ZNF385D: variants seen among roughly 807,000 people sequenced by gnomAD.
ZNF385D encodes zinc finger protein 659.
Under a neutral mutation model 35.8 loss-of-function variants are expected in ZNF385D, and 15 were observed. That is an observed-to-expected ratio of 0.42 (90% CI 0.28 to 0.64). ZNF385D has a LOEUF of 0.64. ZNF385D is among the 30% of genes least tolerant of loss of function. ZNF385D has a pLI of 0.23. For synonymous variants in ZNF385D, 212 were observed against 186.8 expected, an observed-to-expected ratio of 1.13 and a Z score of -1.10; for missense variants, 474 against 494.6, an observed-to-expected ratio of 0.96 and a Z score of 0.39.
rs1488148084 is a variant in ZNF385D at position 21,417,304 on chromosome 3, G to T, written c.*3910C>A. The T allele has an allele frequency of 6.6e-6, 1 of 151,998 alleles. No individual in the cohort carries two copies. Among genetic ancestry groups the T allele is most frequent in the East Asian group, 1.9e-4 (1 of 5,182 alleles). The allele number at this position is 151,998 out of a possible 1,614,324, so 9.4% of individuals were successfully genotyped here. ...TACTGATGAAGAAATTAAGGGCAAGGCATTAGTTGACTATTTAAGTTACCC... is the reference window on the plus strand; with the variant it reads ...TACTGATGAAGAAATTAAGGGCAAGTCATTAGTTGACTATTTAAGTTACCC... On this transcript the variant is annotated 3_prime_UTR_variant, in exon 8 of 8. Transcript: ENST00000281523.
At chr3:22,233,442 T>C (rs900103062) in intron 2 of ZNF385D, among the ~76,000 whole-genome samples, 1 of 152,200 alleles carries the variant, frequency 6.6e-6, no homozygotes, top group Admixed American at 6.5e-5. Context: ...AAATTGAGAA[T>C]GGTCACAGAT....
chr3:21,425,675 C>A lies in ZNF385D; in HGVS notation c.674-5G>T. ...ACATGGTTTTGTGCTTAGTACCTGT[C>A]AGGAATATTGAAATGAAGGAAGGAA... On this transcript the variant is annotated splice_region_variant and splice_polypyrimidine_tract_variant and intron_variant, in intron 5 of 7. Coordinates refer to ENST00000281523, the MANE Select transcript of ZNF385D (RefSeq NM_024697.3). The A allele has an allele frequency of 6.7e-6, 10 of 1,493,986 alleles. No individual in the cohort carries two copies. The highest frequency in any genetic ancestry group is 7.2e-6 in the Non-Finnish European group (8 of 1,111,290). The allele number at this position is 1,493,986 out of a possible 1,614,324, so 92.5% of individuals were successfully genotyped here.
At chr3:21,624,608 C>T (rs953428388) in intron 2 of ZNF385D, among the ~76,000 whole-genome samples, 2 of 151,906 alleles carry the variant, frequency 1.3e-5, no homozygotes, top group African/African-American at 4.8e-5. Context: ...GCTGGCTTCC[C>T]AACTTTCCAG....
At chr3:21,860,667 T>C (rs912328546) in intron 3 of ZNF385D, among the ~76,000 whole-genome samples, 2 of 152,140 alleles carry the variant, frequency 1.3e-5, no homozygotes, top group Non-Finnish European at 2.9e-5. Flanking sequence ...ATCCTTTCAA[T>C]AGTTTTCAAA....
intron 2 of ZNF385D, among the ~76,000 whole-genome samples, chr3:22,359,170 G>A (rs1696298789): frequency 6.6e-6 from 1 of 151,420 alleles, no homozygotes; most frequent in African/African-American, 2.4e-5. Context: ...AAAATCCAAT[G>A]TTGAATAACA....
intron 4 of ZNF385D, among the ~76,000 whole-genome samples, chr3:21,452,049 T>A (rs916448863): frequency 6.6e-5 from 10 of 152,068 alleles, no homozygotes; most frequent in African/African-American, 2.4e-4. Context: ...AAACTATATA[T>A]TCAATTTTGG....
In ZNF385D at chr3:22,004,857, A is replaced by G. The variant is rs182659513; in HGVS notation, c.325+163960T>C. On this transcript the variant is annotated intron_variant, in intron 3 of 5. Transcript: ENST00000494108. ...GACTGAACAAATGTACATCTCACAT[A>G]TATTGATTGATGTCTCATGTCTCCC... Among the ~76,000 whole-genome samples the G allele has an allele frequency of 1.5e-3, 234 of 152,220 alleles. 2 individuals are homozygous for G. The highest frequency in any genetic ancestry group is 5.9e-4 in the Non-Finnish European group (40 of 68,022).
At chr3:22,181,433 A>C (rs1366488331) in intron 2 of ZNF385D, among the ~76,000 whole-genome samples, 1 of 152,098 alleles carries the variant, frequency 6.6e-6, no homozygotes, top group African/African-American at 2.4e-5. Context: ...GCGGTGTCTC[A>C]AGCCTGTAAT....
At position 21,646,423 on chromosome 3, in the gene ZNF385D, G is replaced by T. The variant is rs2065755938; in HGVS notation, c.165+18463C>A. Among the ~76,000 whole-genome samples the T allele has an allele frequency of 6.6e-6, 1 of 152,168 alleles. No individual in the cohort carries two copies. The highest frequency in any genetic ancestry group is 1.5e-5 in the Non-Finnish European group (1 of 68,036). On this transcript the variant is annotated intron_variant, in intron 2 of 7. Coordinates refer to ENST00000281523, the MANE Select transcript of ZNF385D (RefSeq NM_024697.3). This position sits in a 1 kb window ranked among gnomAD's most constrained non-coding sequence, Gnocchi z 4.3. Reference sequence around the variant, plus strand: ...TGAAGTAAGTGGACTGAGAGCCACAGCTCCCAAGGGCAGTGCTTGGATAGG... The same window carrying T: ...TGAAGTAAGTGGACTGAGAGCCACATCTCCCAAGGGCAGTGCTTGGATAGG...
chr3:21,755,989 CA>C (rs1362660062), upstream of ZNF385D, among the ~76,000 whole-genome samples: 1 of 152,136 alleles, frequency 6.6e-6, no homozygotes, highest in Non-Finnish European at 1.5e-5. Context: ...AAGATGGAGC[CA>C]AATTCAGTAG....
chr3:21,868,162 G>A (rs572690914), intron 3 of ZNF385D, among the ~76,000 whole-genome samples: 49 of 152,210 alleles, frequency 3.2e-4, no homozygotes, highest in Non-Finnish European at 6.0e-4. Flanking sequence ...TAGAGTCAGA[G>A]AGTATTTTAA....
At chr3:22,221,108 T>C (rs1698228538) in intron 2 of ZNF385D, among the ~76,000 whole-genome samples, 1 of 152,146 alleles carries the variant, frequency 6.6e-6, no homozygotes, top group Non-Finnish European at 1.5e-5. Context: ...TTGGCAGTGA[T>C]GTATGTGTGC....
At chr3:22,138,235 T>C (rs932115866) in intron 3 of ZNF385D, among the ~76,000 whole-genome samples, 1 of 152,124 alleles carries the variant, frequency 6.6e-6, no homozygotes, top group African/African-American at 2.4e-5. Context: ...AAAATGGCCA[T>C]ACTGCCCAAG....
intron 3 of ZNF385D, among the ~76,000 whole-genome samples, chr3:22,010,834 AG>A (rs1316001855): frequency 6.6e-6 from 1 of 152,182 alleles, no homozygotes; most frequent in African/African-American, 2.4e-5. Flanking sequence ...TATTTTGAAC[AG>A]GGAAATTAAT....
chr3:21,810,970 ACG>A (rs1491128565), intron 3 of ZNF385D, among the ~76,000 whole-genome samples: 5 of 97,890 alleles, frequency 5.1e-5, no homozygotes, highest in Non-Finnish European at 1.0e-4. Context: ...GTGTGTGTAT[ACG>A]TGTGTGTGTG....
intron 3 of ZNF385D, among the ~76,000 whole-genome samples, chr3:22,134,598 A>T (rs1703995883): frequency 6.6e-6 from 1 of 152,312 alleles, no homozygotes; most frequent in South Asian, 2.1e-4. Flanking sequence ...AAAAGAGGCC[A>T]TACCTAACAT....
intron 3 of ZNF385D, among the ~76,000 whole-genome samples, chr3:21,559,293 T>G (rs1463265442): frequency 6.6e-6 from 1 of 152,218 alleles, no homozygotes; most frequent in South Asian, 2.1e-4. Context: ...GTTTTTGCAG[T>G]GGCTGGTACC....
intron 3 of ZNF385D, among the ~76,000 whole-genome samples, chr3:21,866,419 A>T (rs894218617): frequency 1.3e-5 from 2 of 152,130 alleles, no homozygotes; most frequent in Non-Finnish European, 2.9e-5. Flanking sequence ...GCACGATTGC[A>T]CTCTCTGTCT....
At chr3:22,065,960 G>T (rs1699928591) in intron 3 of ZNF385D, among the ~76,000 whole-genome samples, 1 of 152,102 alleles carries the variant, frequency 6.6e-6, no homozygotes, top group Non-Finnish European at 1.5e-5. Flanking sequence ...CTGAGGCTCA[G>T]TTTTGACACT....
Sources: allele counts gnomAD v4.1 joint callset (sites outside exome capture counted in the v4.1 genomes callset), GRCh38; gene constraint gnomAD v4.1.1; non-coding constraint Gnocchi (gnomAD v3.1); transcripts MANE v1.5; gene names NCBI Gene and HGNC (gene_info 2026-07-23, HGNC 2026-07-21).